The following TRAPPC9 variants were observed in gnomAD, a reference collection of about 807,000 sequenced individuals.
TRAPPC9 encodes trafficking protein particle complex subunit 9, also known as IKK2 binding protein.
TRAPPC9 carries 83 observed loss-of-function variants against 124.0 expected under a neutral mutation model. That is an observed-to-expected ratio of 0.67 (90% CI 0.56 to 0.80). TRAPPC9 has a LOEUF of 0.80. Among genes scored for constraint, TRAPPC9 ranks in the 30% least tolerant of loss-of-function variants. TRAPPC9 has a pLI of 0.00. For missense variants in TRAPPC9, 1,302 were observed against 1,508.3 expected (o/e 0.86, Z 2.27); for synonymous variants, 638 against 617.5 (o/e 1.03, Z -0.49).
chr8:140,167,909 G>A (rs551284777), intron 17 of TRAPPC9, among the ~76,000 whole-genome samples: 3 of 152,314 alleles, frequency 2.0e-5, no homozygotes, highest in African/African-American at 7.2e-5. Flanking sequence ...CCTGCTCAAA[G>A]AGCAACGGTA....
At chr8:140,236,099 T>TTTC (rs1554648421) in intron 16 of TRAPPC9, among the ~76,000 whole-genome samples, 17 of 141,926 alleles carry the variant, frequency 1.2e-4, no homozygotes, top group Non-Finnish European at 1.8e-4. Context: ...TTTTTTTTTT[T>TTTC]TGAGACAGAG....
intron 21 of TRAPPC9, among the ~76,000 whole-genome samples, chr8:139,784,644 TAA>T (rs1491309576): frequency 4.6e-5 from 6 of 131,818 alleles, no homozygotes; most frequent in East Asian, 2.3e-4. Flanking sequence ...TATATATATA[TAA>T]ATCAACTGCA....
chr8:140,223,098 G>A (rs1467310248), intron 16 of TRAPPC9, among the ~76,000 whole-genome samples: 2 of 152,116 alleles, frequency 1.3e-5, no homozygotes, highest in Non-Finnish European at 2.9e-5. Flanking sequence ...GTGGTTTGCT[G>A]CACCTATCAA....
intron 17 of TRAPPC9, among the ~76,000 whole-genome samples, chr8:140,154,261 C>T (rs977918115): frequency 1.3e-5 from 2 of 152,168 alleles, no homozygotes; most frequent in African/African-American, 2.4e-5. Context: ...CTCTCCATGT[C>T]CTTTTCTTCT....
chr8:140,199,718 C>A (rs2131155668), intron 17 of TRAPPC9, among the ~76,000 whole-genome samples: 1 of 152,212 alleles, frequency 6.6e-6, no homozygotes, highest in Non-Finnish European at 1.5e-5. Context: ...ACAGATCTTC[C>A]ATTTTTTTAT....
intron 17 of TRAPPC9, among the ~76,000 whole-genome samples, chr8:140,090,292 C>A (rs575595767): frequency 6.6e-6 from 1 of 152,194 alleles, no homozygotes; most frequent in East Asian, 1.9e-4. Context: ...ACACACTGTT[C>A]ACCTGGCACC....
intron 17 of TRAPPC9, among the ~76,000 whole-genome samples, chr8:140,186,698 A>G (rs2062362305): frequency 6.6e-6 from 1 of 152,132 alleles, no homozygotes; most frequent in Non-Finnish European, 1.5e-5. Flanking sequence ...GCATCTCTTC[A>G]TTACTCTTAA....
chr8:139,817,998 C>T (rs9324514), intron 21 of TRAPPC9, among the ~76,000 whole-genome samples: 78,940 of 152,068 alleles, frequency 0.52, 21,752 homozygotes, highest in East Asian at 0.72. Context: ...CTTAAGCTAC[C>T]GTGTGTACCA....
At chr8:139,779,038 C>T (rs1394881108) in intron 21 of TRAPPC9, among the ~76,000 whole-genome samples, 13 of 152,034 alleles carry the variant, frequency 8.6e-5, no homozygotes, top group Admixed American at 8.5e-4. Context: ...AAAACTGCAA[C>T]TACTTTTGCA....
chr8:140,392,026 CA>C (rs35599095), intron 7 of TRAPPC9, among the ~76,000 whole-genome samples: 106,493 of 143,996 alleles, frequency 0.74, 39,652 homozygotes, highest in African/African-American at 0.93. Flanking sequence ...AACTCCGTCT[CA>C]AAAAAAAAAA....
chr8:139,760,330 GCCCA>G, intron 21 of TRAPPC9, among the ~76,000 whole-genome samples: 1 of 152,226 alleles, frequency 6.6e-6, no homozygotes, highest in Non-Finnish European at 1.5e-5. Flanking sequence ...CTTGGAGAGG[GCCCA>G]CCCTGGGGAG....
rs117295325 is a variant in TRAPPC9 at position 140,208,613 on chromosome 8, C to T, written c.2556+12846G>A. Reference sequence around the variant, plus strand: ...GACACACTGGAAGAGCAGAGCAATTCTTTAGAGGTCATTTCATTTGCTTTC... The same window carrying T: ...GACACACTGGAAGAGCAGAGCAATTTTTTAGAGGTCATTTCATTTGCTTTC... On this transcript the variant is annotated intron_variant, in intron 17 of 22. Transcript: ENST00000438773. Among the ~76,000 whole-genome samples, 484 of 152,326 alleles carry T rather than the reference C, an allele frequency of 3.2e-3. 3 individuals carry two copies. The highest frequency in any genetic ancestry group is 0.01 in the Middle Eastern group (3 of 294).
At chr8:140,047,485 C>T (rs1439749201) in intron 17 of TRAPPC9, among the ~76,000 whole-genome samples, 1 of 152,216 alleles carries the variant, frequency 6.6e-6, no homozygotes, top group African/African-American at 2.4e-5. Flanking sequence ...AGAGGAGAGG[C>T]TGAGAGAATG....
At chr8:140,388,121 G>A (rs2068809055) in intron 7 of TRAPPC9, among the ~76,000 whole-genome samples, 1 of 150,494 alleles carries the variant, frequency 6.6e-6, no homozygotes, top group Admixed American at 6.7e-5. Context: ...ACTATCGCAA[G>A]GACAAAAAAA....
chr8:140,024,229 G>A (rs76266152), intron 17 of TRAPPC9, 150 bp from the exon 18 acceptor site: 35,921 of 1,011,754 alleles, frequency 0.036, 851 homozygotes, highest in South Asian at 0.076. Flanking sequence ...CAACCCCGGC[G>A]GGTACCGACT....
chr8:140,067,081 T>TC (rs1842928490), intron 17 of TRAPPC9, among the ~76,000 whole-genome samples: 1 of 152,168 alleles, frequency 6.6e-6, no homozygotes. Flanking sequence ...ATGTAAGCAG[T>TC]CATTCAGAGA....
intron 21 of TRAPPC9, among the ~76,000 whole-genome samples, chr8:139,798,866 C>T (rs1333684621): frequency 1.3e-5 from 2 of 152,290 alleles, no homozygotes; most frequent in East Asian, 1.9e-4. Context: ...AAATCAGAAC[C>T]ACCGGGCCGA....
At chr8:140,418,322 A>C (rs950068565) in intron 5 of TRAPPC9, among the ~76,000 whole-genome samples, 1 of 151,810 alleles carries the variant, frequency 6.6e-6, no homozygotes, top group African/African-American at 2.4e-5. Flanking sequence ...AGAAAACATA[A>C]GAGGAAGGAA....
chr8:139,763,989 C>T (rs982499608), intron 21 of TRAPPC9, among the ~76,000 whole-genome samples: 10 of 152,190 alleles, frequency 6.6e-5, no homozygotes, highest in African/African-American at 2.2e-4. Context: ...GGTGGAAGTG[C>T]TCATTAGATA....
Sources: allele counts gnomAD v4.1 joint callset (sites outside exome capture counted in the v4.1 genomes callset), GRCh38; gene constraint gnomAD v4.1.1; transcripts MANE v1.5; gene names NCBI Gene and HGNC (gene_info 2026-07-23, HGNC 2026-07-21).